Variants in DNAJC17 observed in about 807,000 individuals in gnomAD.
DNAJC17 encodes dnaJ homolog subfamily C member 17.
Under a neutral mutation model 48.1 loss-of-function variants are expected in DNAJC17, and 35 were observed. The observed-to-expected ratio is 0.73, with a 90% CI of 0.56 to 0.96. DNAJC17 has a LOEUF of 0.96. Among genes scored for constraint, DNAJC17 ranks in the 50% least tolerant of loss-of-function variants. The pLI is 0.00. For synonymous variants in DNAJC17, 117 were observed against 142.7 expected (o/e 0.82, Z 1.28); for missense variants, 355 against 377.1 (o/e 0.94, Z 0.48).
intron 1 of DNAJC17, among the ~76,000 whole-genome samples, chr15:40,797,392 A>G (rs945997497): frequency 2.2e-4 from 34 of 151,768 alleles, no homozygotes; most frequent in African/African-American, 7.7e-4. Context: ...AAATTCATAA[A>G]GTAGGGACTC....
In DNAJC17 at chr15:40,807,435, G is replaced by A; in HGVS notation, c.12C>T (p.Thr4=). The stretch of plus-strand genomic sequence containing the variant: ...ACAGGTCCATCTGTAAGAGCTCCTT[G>A]GTCACTGCCATGGTTCCGGCCTGAC... MAV[T]KELLQMDLYA... Residue 4 remains threonine, a synonymous_variant, in exon 1 of 11, where the codon ACC becomes ACT. Transcript: ENST00000220496. 3.1e-6 allele frequency: 5 copies of A among 1,614,228 alleles called. No individual in the cohort carries two copies. Among genetic ancestry groups the A allele is most frequent in the Non-Finnish European group, 4.2e-6 (5 of 1,180,034 alleles).
At chr15:40,771,630 A>G in intron 10 of DNAJC17, 1 of 170,754 alleles carries the variant, frequency 5.9e-6, no homozygotes. Flanking sequence ...TAAAATTAAC[A>G]GTTCAGTTCC....
intron 1 of DNAJC17, among the ~76,000 whole-genome samples, chr15:40,794,952 C>A (rs2141960773): frequency 6.6e-6 from 1 of 152,142 alleles, no homozygotes; most frequent in Admixed American, 6.5e-5. Flanking sequence ...CTCCTGACCT[C>A]AGGTGAGCCC....
chr15:40,775,172 C>T, intron 7 of DNAJC17, 64 bp from the exon 8 acceptor site: 1 of 1,550,934 alleles, frequency 6.4e-7, no homozygotes, highest in Non-Finnish European at 8.9e-7. Flanking sequence ...CACGACTGAG[C>T]TTGACAGTCT....
chr15:40,770,415 T>G lies in DNAJC17; in HGVS notation c.793-2353A>C. 1 of 1,399,942 alleles carries G rather than the reference T, an allele frequency of 7.1e-7. No individual in the cohort carries two copies. Among genetic ancestry groups the G allele is most frequent in the African/African-American group, 1.4e-5 (1 of 69,092 alleles). 86.7% of individuals were successfully genotyped at this position (1,399,942 alleles called of 1,614,324 possible). A position where few individuals can be genotyped will look rare whatever the true frequency, so the allele number is the denominator to read the frequency against. On this transcript the variant is annotated intron_variant, in intron 10 of 10. Coordinates refer to ENST00000220496, the MANE Select transcript of DNAJC17 (RefSeq NM_018163.3). The surrounding 1 kb of genome is among the most constrained non-coding windows in gnomAD (Gnocchi z 5.0). The stretch of plus-strand genomic sequence containing the variant: ...CTGCTCCTAGGGGAGCCTCCCCAGC[T>G]GCTGGCACTCACTGCCCCAGCAGGG...
intron 8 of DNAJC17, among the ~76,000 whole-genome samples, 171 bp from the exon 9 acceptor site, chr15:40,774,607 A>G (rs1230329457): frequency 6.6e-6 from 1 of 152,280 alleles, no homozygotes; most frequent in Non-Finnish European, 1.5e-5. Flanking sequence ...TAGGAAAGAA[A>G]GAAATTTTTT....
chr15:40,769,782 G>A lies in DNAJC17; in HGVS notation c.793-1720C>T, dbSNP rs1431443849. Among the ~76,000 whole-genome samples the A allele has an allele frequency of 6.6e-6, 1 of 152,190 alleles. No homozygotes were observed. The highest frequency in any genetic ancestry group is 6.5e-5 in the Admixed American group (1 of 15,276). ...TGGTGGGGCTGTGATCAGAAAGGAA[G>A]CCGCGTGGTGACACATAAAGCAGGG... On this transcript the variant is annotated intron_variant, in intron 10 of 10. Transcript: ENST00000220496. The surrounding 1 kb of genome is among the most constrained non-coding windows in gnomAD (Gnocchi z 4.2).
chr15:40,792,411 T>C, intron 1 of DNAJC17: 1 of 958,840 alleles, frequency 1.0e-6, no homozygotes, highest in Non-Finnish European at 1.2e-6. Flanking sequence ...TGAAAAACAA[T>C]CAAAATGCAT....
In DNAJC17 at chr15:40,770,763, T is replaced by A; in HGVS notation, c.793-2701A>T. Reference sequence around the variant, plus strand: ...GCCCCCACGCCTCTACCGAGAGAGCTCAAGCTGCCCCAACATCCTGGAGCC... The same window carrying A: ...GCCCCCACGCCTCTACCGAGAGAGCACAAGCTGCCCCAACATCCTGGAGCC... On this transcript the variant is annotated intron_variant, in intron 10 of 10. Coordinates refer to ENST00000220496, the MANE Select transcript of DNAJC17 (RefSeq NM_018163.3). The surrounding 1 kb of genome is among the most constrained non-coding windows in gnomAD (Gnocchi z 5.0). 1 of 1,544,882 alleles carries A rather than the reference T, an allele frequency of 6.5e-7. No individual in the cohort carries two copies. Among genetic ancestry groups the A allele is most frequent in the Non-Finnish European group, 8.7e-7 (1 of 1,146,564 alleles).
At chr15:40,786,614 T>A (rs1206191467) in intron 1 of DNAJC17, among the ~76,000 whole-genome samples, 1 of 152,202 alleles carries the variant, frequency 6.6e-6, no homozygotes, top group Non-Finnish European at 1.5e-5. Flanking sequence ...ACCTATAGGT[T>A]TCCCCTAAAT....
chr15:40,777,782 A>G (rs1049831680), intron 4 of DNAJC17, among the ~76,000 whole-genome samples: 2 of 149,886 alleles, frequency 1.3e-5, no homozygotes, highest in Non-Finnish European at 3.0e-5. Flanking sequence ...TTTAAGTGAG[A>G]AAAAAAAAAT....
intron 1 of DNAJC17, among the ~76,000 whole-genome samples, chr15:40,795,781 G>C (rs1197947253): frequency 6.6e-6 from 1 of 152,138 alleles, no homozygotes; most frequent in Admixed American, 6.5e-5. Flanking sequence ...TGTAGTCCCA[G>C]GTTGTGAGGC....
intron 1 of DNAJC17, chr15:40,807,126 G>A (rs921556275): frequency 2.8e-5 from 27 of 977,202 alleles, no homozygotes; most frequent in Non-Finnish European, 3.8e-5. Flanking sequence ...CTAGGAGACA[G>A]GGGCCACGGG....
intron 1 of DNAJC17, among the ~76,000 whole-genome samples, chr15:40,799,614 A>G (rs1354247281): frequency 6.6e-6 from 1 of 152,102 alleles, no homozygotes; most frequent in African/African-American, 2.4e-5. Flanking sequence ...GGAGCTACAT[A>G]TAGTCTTTGT....
At chr15:40,783,143 C>T (rs1889548611) in intron 1 of DNAJC17, among the ~76,000 whole-genome samples, 1 of 152,158 alleles carries the variant, frequency 6.6e-6, no homozygotes, top group African/African-American at 2.4e-5. Flanking sequence ...GCTCTCTTTG[C>T]CTGCTTTATT....
intron 1 of DNAJC17, among the ~76,000 whole-genome samples, chr15:40,796,994 T>A (rs1254002502): frequency 6.6e-6 from 1 of 152,118 alleles, no homozygotes; most frequent in Non-Finnish European, 1.5e-5. Context: ...CTCAAGCTCC[T>A]AGGCTCAAGC....
Position 40,776,600 on chromosome 15 carries a change from T to G in DNAJC17, c.323A>C (p.Gln108Pro). 1 of 1,614,028 alleles carries G rather than the reference T, an allele frequency of 6.2e-7. No individual in the cohort carries two copies. The highest frequency in any genetic ancestry group is 8.5e-7 in the Non-Finnish European group (1 of 1,180,002). The change falls in exon 5 of 11, where the codon CAG becomes CCG. Residue 108 changes from glutamine (Q) to proline (P), a missense_variant. Gln to Pro is a moderately conservative substitution (Grantham distance 76). Transcript: ENST00000220496. ...CTCTTCCTCCTCACTCTCCTGGGCCTGGGCCTGCCGCTCCCGGGCCTCCAG... is the reference window on the plus strand; with the variant it reads ...CTCTTCCTCCTCACTCTCCTGGGCCGGGGCCTGCCGCTCCCGGGCCTCCAG... Reference protein sequence around the residue: ...LDLEARERQAQAQESEEEEES... With the variant: ...LDLEARERQAPAQESEEEEES...
Position 40,770,580 on chromosome 15 carries a change from C to T in DNAJC17, c.793-2518G>A, listed in dbSNP as rs1276979796. 2 of 1,550,568 alleles carry T rather than the reference C, an allele frequency of 1.3e-6. No individual in the cohort carries two copies. Among genetic ancestry groups the T allele is most frequent in the African/African-American group, 2.7e-5 (2 of 73,054 alleles). ...GGGGCGGCCACGGCGGCTCCGGCGACAGAGTAGTGTGCTTAGCCAGGCCAG... is the reference window on the plus strand; with the variant it reads ...GGGGCGGCCACGGCGGCTCCGGCGATAGAGTAGTGTGCTTAGCCAGGCCAG... On this transcript the variant is annotated intron_variant, in intron 10 of 10. Transcript: ENST00000220496. The surrounding 1 kb of genome is among the most constrained non-coding windows in gnomAD (Gnocchi z 5.0).
chr15:40,773,668 C>A, intron 10 of DNAJC17, 59 bp downstream of exon 10: 1 of 1,381,868 alleles, frequency 7.2e-7, no homozygotes, highest in South Asian at 1.3e-5. Context: ...CTGAGAGGAG[C>A]CCAGGTAGGA....
Sources: allele counts gnomAD v4.1 joint callset (sites outside exome capture counted in the v4.1 genomes callset), GRCh38; gene constraint gnomAD v4.1.1; non-coding constraint Gnocchi (gnomAD v3.1); transcripts MANE v1.5; gene names NCBI Gene and HGNC (gene_info 2026-07-23, HGNC 2026-07-21).